Variants in PRDM16 observed in about 807,000 individuals in gnomAD.
PRDM16 encodes PR/SET domain 16.
A neutral mutation model predicts 110.6 loss-of-function variants in PRDM16; 23 were observed. That is an observed-to-expected ratio of 0.21 (90% CI 0.15 to 0.29). The LOEUF is 0.29. Among genes scored for constraint, PRDM16 ranks in the 10% least tolerant of loss-of-function variants. PRDM16 has a pLI of 1.00. For synonymous variants in PRDM16, 799 were observed against 781.8 expected, an observed-to-expected ratio of 1.02 and a Z score of -0.37; for missense variants, 1,615 against 1,794.3, an observed-to-expected ratio of 0.90 and a Z score of 1.81.
intron 3 of PRDM16, among the ~76,000 whole-genome samples, chr1:3,348,760 G>A (rs763227187): frequency 1.2e-4 from 18 of 152,234 alleles, no homozygotes; most frequent in Non-Finnish European, 2.1e-4. Flanking sequence ...GACCGGGGCC[G>A]CAGTGAGCCT....
At chr1:3,121,259 C>T (rs760501585) in intron 1 of PRDM16, among the ~76,000 whole-genome samples, 19 of 152,190 alleles carry the variant, frequency 1.2e-4, no homozygotes, top group Admixed American at 6.5e-4. Flanking sequence ...CAGCAGGACC[C>T]GGGGCTGCGG....
chr1:3,184,138 C>T lies in PRDM16; in HGVS notation c.38-1987C>T, dbSNP rs565645347. 5.3e-5 allele frequency among the ~76,000 whole-genome samples: 8 copies of T among 152,202 alleles called. No individual in the cohort carries two copies. In the South Asian group the frequency reaches 1.2e-3, roughly 24 times the overall value. ...CTGTGGCTGCGTCTCTGAAAGGATC[C>T]GCCGCGTCAATTAGAAAGGACCCGT... On this transcript the variant is annotated intron_variant, in intron 1 of 16. Coordinates refer to ENST00000270722, the MANE Select transcript of PRDM16 (RefSeq NM_022114.4).
chr1:3,435,916 C>T lies in PRDM16; in HGVS notation c.*2105C>T, dbSNP rs10909945. The T allele has an allele frequency of 3.5e-3, 799 of 231,490 alleles. 5 individuals are homozygous for T. The highest frequency in any genetic ancestry group is 0.016 in the African/African-American group (724 of 45,354). The allele number at this position is 231,490 out of a possible 1,614,324, so 14.3% of individuals were successfully genotyped here. On this transcript the variant is annotated 3_prime_UTR_variant, in exon 17 of 17. Coordinates refer to ENST00000270722, the MANE Select transcript of PRDM16 (RefSeq NM_022114.4). ...GCAAGACAGGACCCACCTGTGCGTGCGCTGGGGCCATGGGGTGGCCCCGCC... is the reference window on the plus strand; with the variant it reads ...GCAAGACAGGACCCACCTGTGCGTGTGCTGGGGCCATGGGGTGGCCCCGCC...
At position 3,339,994 on chromosome 1, in the gene PRDM16, G is replaced by A. The variant is rs1040661146; in HGVS notation, c.439-45158G>A. On this transcript the variant is annotated intron_variant, in intron 3 of 16. Transcript: ENST00000270722. This position sits in a 1 kb window ranked among gnomAD's most constrained non-coding sequence, Gnocchi z 5.0. Reference sequence around the variant, plus strand: ...GTGCCTCCTCCTCTCCCTGGGACCCGCGTGAAATTTCTGTCTGATGCTCCG... The same window carrying A: ...GTGCCTCCTCCTCTCCCTGGGACCCACGTGAAATTTCTGTCTGATGCTCCG... 2.0e-5 allele frequency among the ~76,000 whole-genome samples: 3 copies of A among 152,168 alleles called. No homozygotes were observed. Among genetic ancestry groups the A allele is most frequent in the East Asian group, 1.9e-4 (1 of 5,184 alleles).
chr1:3,355,775 G>A (rs892731764), intron 3 of PRDM16, among the ~76,000 whole-genome samples: 1 of 152,188 alleles, frequency 6.6e-6, no homozygotes. Flanking sequence ...CGGTCCACTT[G>A]CCCCCAAGAC....
At chr1:3,391,926 A>G (rs1643307473) in intron 4 of PRDM16, among the ~76,000 whole-genome samples, 1 of 152,250 alleles carries the variant, frequency 6.6e-6, no homozygotes, top group South Asian at 2.1e-4. Context: ...CGCTTAGGGC[A>G]TCATCACTAC....
rs1638555444 is a variant in PRDM16, at chr1:3,199,129, T to C, written c.387+12655T>C. On this transcript the variant is annotated intron_variant, in intron 2 of 16. Transcript: ENST00000270722. ...AGGCTGGAGAGAGTGCTGTGCGGGG[T>C]GGCGGCAGAGGGGGATTAGGATGCT... is the stretch of plus-strand genomic sequence containing the variant. 3.9e-5 allele frequency among the ~76,000 whole-genome samples: 6 copies of C among 151,988 alleles called. No individual in the cohort carries two copies. In the South Asian group the frequency reaches 1.2e-3, roughly 32 times the overall value.
intron 1 of PRDM16, among the ~76,000 whole-genome samples, chr1:3,116,841 C>A (rs1472665099): frequency 6.6e-6 from 1 of 152,230 alleles, no homozygotes; most frequent in Non-Finnish European, 1.5e-5. Flanking sequence ...TGTGCCCCCA[C>A]CTGCCTCCAG....
rs771359633 is a variant in PRDM16, at chr1:3,435,913, G to T, written c.*2102G>T. On this transcript the variant is annotated 3_prime_UTR_variant, in exon 17 of 17. Coordinates refer to ENST00000270722, the MANE Select transcript of PRDM16 (RefSeq NM_022114.4). ...GAGGCAAGACAGGACCCACCTGTGC[G>T]TGCGCTGGGGCCATGGGGTGGCCCC... 1.3e-5 allele frequency: 3 copies of T among 231,546 alleles called. No homozygotes were observed. Among genetic ancestry groups the T allele is most frequent in the Non-Finnish European group, 2.6e-5 (3 of 117,014 alleles). The allele number at this position is 231,546 out of a possible 1,614,324, so 14.3% of individuals were successfully genotyped here.
At chr1:3,240,210 C>T (rs1639637485) in intron 2 of PRDM16, among the ~76,000 whole-genome samples, 1 of 151,608 alleles carries the variant, frequency 6.6e-6, no homozygotes, top group African/African-American at 2.4e-5. Flanking sequence ...TGCTGGAGTC[C>T]AGGAGTCCCA....
At position 3,358,979 on chromosome 1, in the gene PRDM16, C is replaced by T. The variant is rs1255728856; in HGVS notation, c.439-26173C>T. 6.6e-6 allele frequency among the ~76,000 whole-genome samples: 1 copy of T among 152,194 alleles called. No individual in the cohort carries two copies. The highest frequency in any genetic ancestry group is 2.4e-5 in the African/African-American group (1 of 41,452). On this transcript the variant is annotated intron_variant, in intron 3 of 16. Transcript: ENST00000270722. This position sits in a 1 kb window ranked among gnomAD's most constrained non-coding sequence, Gnocchi z 4.0. ...CAGCCGCTGTGGCTCATGTTGTCATCTTGGGTCGCATTACAGCCAGTTGAC... is the reference window on the plus strand; with the variant it reads ...CAGCCGCTGTGGCTCATGTTGTCATTTTGGGTCGCATTACAGCCAGTTGAC...
At chr1:3,128,904 G>A (rs576862852) in intron 1 of PRDM16, among the ~76,000 whole-genome samples, 6 of 152,254 alleles carry the variant, frequency 3.9e-5, no homozygotes, top group African/African-American at 1.4e-4. Context: ...GGCCCCAGGT[G>A]GGGGTGCGCA....
intron 4 of PRDM16, among the ~76,000 whole-genome samples, chr1:3,386,004 C>T (rs565988308): frequency 1.3e-5 from 2 of 152,348 alleles, no homozygotes; most frequent in East Asian, 3.9e-4. Context: ...CCAGAAGGCA[C>T]CGTGTCCCCA....
chr1:3,356,340 T>G (rs909424359), intron 3 of PRDM16, among the ~76,000 whole-genome samples: 1 of 152,154 alleles, frequency 6.6e-6, no homozygotes, highest in African/African-American at 2.4e-5. Context: ...TCTGGCCTGA[T>G]GCATGACCGT....
chr1:3,341,604 C>T (rs1161955369), intron 3 of PRDM16, among the ~76,000 whole-genome samples: 1 of 152,324 alleles, frequency 6.6e-6, no homozygotes. Flanking sequence ...AACTTACGAT[C>T]GCTCAACTTA....
chr1:3,287,712 A>G lies in PRDM16; in HGVS notation c.438+43575A>G, dbSNP rs6684917. ...GGGCTGGAACCGCCCCGCCACGCGG[A>G]CATCCAGGATTGCATTTACCGGGGC... On this transcript the variant is annotated intron_variant, in intron 3 of 16. Coordinates refer to ENST00000270722, the MANE Select transcript of PRDM16 (RefSeq NM_022114.4). 9.4e-4 allele frequency among the ~76,000 whole-genome samples: 99 copies of G among 105,084 alleles called. 2 individuals are homozygous for G. The highest frequency in any genetic ancestry group is 4.3e-3 in the African/African-American group (75 of 17,442). The allele number at this position is 105,084 out of a possible 152,430, so 68.9% of individuals were successfully genotyped here.
Position 3,403,027 on chromosome 1 carries a change from C to T in PRDM16, c.884+29C>T, listed in dbSNP as rs370698201. 1.7e-5 allele frequency: 27 copies of T among 1,544,168 alleles called. No individual in the cohort carries two copies. The African/African-American group carries it at 3.4e-4, about 19-fold the overall frequency. ...CCACGCCCTCCTCTGAGTCTTCCTC[C>T]CCTTCCCGTACCCTCCTCTGAGTCT... is the stretch of plus-strand genomic sequence containing the variant. On this transcript the variant is annotated intron_variant, in intron 6 of 16. Coordinates refer to ENST00000270722, the MANE Select transcript of PRDM16 (RefSeq NM_022114.4).
In PRDM16 at chr1:3,433,741, T is replaced by C. The variant is rs367785185; in HGVS notation, c.3761T>C (p.Leu1254Pro). Reference protein sequence around the residue: ...TPLHTPSQGSLDAWLKVTGAT... With the variant: ...TPLHTPSQGSPDAWLKVTGAT... ...CTCCACACCCCCTCCCAGGGTTCTC[T>C]GGACGCTTGGTTGAAGGTCACTGGA... The change falls in exon 17 of 17, where the codon CTG becomes CCG. Residue 1254 changes from leucine (L) to proline (P), a missense_variant. By Grantham distance (98) the Leu-to-Pro change is moderately conservative. Around this residue, in one of 5 missense-constraint regions of PRDM16, gnomAD observed 327 missense variants for 359.3 expected, o/e 0.91. Transcript: ENST00000270722. 44 of 1,613,894 alleles carry C rather than the reference T, an allele frequency of 2.7e-5. No individual in the cohort carries two copies. The highest frequency in any genetic ancestry group is 1.2e-4 in the South Asian group (11 of 91,092).
intron 2 of PRDM16, among the ~76,000 whole-genome samples, chr1:3,228,897 G>A (rs551886135): frequency 6.6e-6 from 1 of 152,326 alleles, no homozygotes; most frequent in African/African-American, 2.4e-5. Flanking sequence ...GGCTTGCCTG[G>A]TTCACAGCCG....
Sources: allele counts gnomAD v4.1 joint callset (sites outside exome capture counted in the v4.1 genomes callset), GRCh38; gene constraint gnomAD v4.1.1; regional missense constraint gnomAD v4.1.1; non-coding constraint Gnocchi (gnomAD v3.1); transcripts MANE v1.5; gene names NCBI Gene and HGNC (gene_info 2026-07-23, HGNC 2026-07-21).